SYN3: variants seen among roughly 807,000 people sequenced by gnomAD.
SYN3 encodes synapsin-3.
Under a neutral mutation model 65.8 loss-of-function variants are expected in SYN3, and 35 were observed. That is an observed-to-expected ratio of 0.53 (90% confidence interval 0.41 to 0.70). The LOEUF is 0.70. Among genes scored for constraint, SYN3 ranks in the 30% least tolerant of loss-of-function variants. SYN3 has a pLI of 0.00. For synonymous variants in SYN3, 270 were observed against 292.9 expected, an observed-to-expected ratio of 0.92 and a Z score of 0.80; for missense variants, 680 against 749.0, an observed-to-expected ratio of 0.91 and a Z score of 1.08.
At chr22:32,902,560 G>A (rs1391001444) in intron 4 of SYN3, among the ~76,000 whole-genome samples, 1 of 152,206 alleles carries the variant, frequency 6.6e-6, no homozygotes, top group African/African-American at 2.4e-5. Flanking sequence ...GGAAAATTGA[G>A]GCCCAGGTTG....
chr22:32,683,698 A>G (rs1342176201), intron 6 of SYN3, among the ~76,000 whole-genome samples: 1 of 152,190 alleles, frequency 6.6e-6, no homozygotes, highest in East Asian at 1.9e-4. Context: ...TTGTGGTGAC[A>G]TCTATAAGAT....
intron 6 of SYN3, among the ~76,000 whole-genome samples, chr22:32,677,325 G>A (rs1407659972): frequency 1.1e-4 from 17 of 152,158 alleles, no homozygotes; most frequent in East Asian, 1.9e-4. Context: ...TTCCAAATGC[G>A]CTAGTATGTA....
At chr22:32,575,140 T>C (rs1019637206) in intron 7 of SYN3, among the ~76,000 whole-genome samples, 31 of 152,354 alleles carry the variant, frequency 2.0e-4, no homozygotes, top group African/African-American at 7.2e-4. Flanking sequence ...AGATCTCTTT[T>C]CTTTTTTCAT....
intron 6 of SYN3, among the ~76,000 whole-genome samples, chr22:32,660,682 T>C (rs2060205057): frequency 6.6e-6 from 1 of 152,212 alleles, no homozygotes; most frequent in Non-Finnish European, 1.5e-5. Flanking sequence ...TGGTGATAAA[T>C]TTGCATCATT....
chr22:32,797,009 A>G (rs2046444691), intron 6 of SYN3, among the ~76,000 whole-genome samples: 1 of 151,994 alleles, frequency 6.6e-6, no homozygotes, highest in African/African-American at 2.4e-5. Context: ...GTTGACTGAG[A>G]GCTTTGTGGC....
intron 1 of SYN3, among the ~76,000 whole-genome samples, chr22:33,013,525 A>T (rs914560972): frequency 6.6e-6 from 1 of 152,184 alleles, no homozygotes; most frequent in Non-Finnish European, 1.5e-5. Flanking sequence ...CTAATTAACA[A>T]ATCTATCATC....
At chr22:32,781,664 CTAATATTATTATTATTAT>C (rs2046068332) in intron 6 of SYN3, among the ~76,000 whole-genome samples, 1 of 150,744 alleles carries the variant, frequency 6.6e-6, no homozygotes, top group Admixed American at 6.6e-5. Flanking sequence ...TAGGTGTTTG[CTAATATTATTATTATTAT>C]TAATATTATT....
chr22:32,776,532 T>C (rs78763849), intron 6 of SYN3, among the ~76,000 whole-genome samples: 2,825 of 152,232 alleles, frequency 0.019, 48 homozygotes, highest in Middle Eastern at 0.051. Flanking sequence ...TTGCCTAAGG[T>C]CACACAGCGG....
intron 6 of SYN3, among the ~76,000 whole-genome samples, chr22:32,673,346 G>A (rs1740557756): frequency 6.6e-6 from 1 of 152,230 alleles, no homozygotes; most frequent in African/African-American, 2.4e-5. Flanking sequence ...CCAGCAACAG[G>A]AGTCAAGGGT....
chr22:32,554,242 A>G (rs913267305), intron 7 of SYN3, among the ~76,000 whole-genome samples: 1 of 151,892 alleles, frequency 6.6e-6, no homozygotes, highest in Non-Finnish European at 1.5e-5. Context: ...ATTTTCCTGA[A>G]TATTGTCTGT....
At chr22:32,575,874 A>AAAAAC (rs1308435890) in intron 7 of SYN3, among the ~76,000 whole-genome samples, 6 of 151,810 alleles carry the variant, frequency 4.0e-5, no homozygotes, top group Non-Finnish European at 5.9e-5. Context: ...CCTCAAGACA[A>AAAAAC]AAAACAAAAC....
At chr22:32,542,909 C>T (rs1284450996) in intron 7 of SYN3, among the ~76,000 whole-genome samples, 2 of 152,014 alleles carry the variant, frequency 1.3e-5, no homozygotes, top group African/African-American at 2.4e-5. Flanking sequence ...CCACTGGCCA[C>T]GGGAGCCCTG....
At chr22:33,025,186 G>A (rs2053620160) in intron 1 of SYN3, among the ~76,000 whole-genome samples, 1 of 152,038 alleles carries the variant, frequency 6.6e-6, no homozygotes, top group African/African-American at 2.4e-5. Context: ...GCCAGGCATG[G>A]TGGCTCACGC....
intron 13 of SYN3, among the ~76,000 whole-genome samples, chr22:32,516,322 C>T (rs762448849): frequency 4.0e-5 from 6 of 151,150 alleles, no homozygotes; most frequent in Non-Finnish European, 8.8e-5. Flanking sequence ...GGGGCGGGAA[C>T]GAGGCTTTTC....
intron 5 of SYN3, among the ~76,000 whole-genome samples, chr22:32,867,580 G>A (rs953797086): frequency 4.6e-5 from 7 of 152,188 alleles, no homozygotes; most frequent in Admixed American, 1.3e-4. Context: ...TTGAGCGAGT[G>A]GAGGAGTGGT....
intron 4 of SYN3, among the ~76,000 whole-genome samples, chr22:32,908,779 G>C (rs1374464428): frequency 2.0e-5 from 3 of 152,138 alleles, no homozygotes; most frequent in African/African-American, 7.2e-5. Flanking sequence ...CAAGGGCTAA[G>C]CAGTTTAAGC....
intron 4 of SYN3, among the ~76,000 whole-genome samples, chr22:32,912,044 G>A (rs993800876): frequency 1.3e-5 from 2 of 152,186 alleles, no homozygotes; most frequent in Non-Finnish European, 2.9e-5. Context: ...CTTATCGTAC[G>A]CATCAAGAAG....
At chr22:32,790,213 T>G (rs2046290892) in intron 6 of SYN3, among the ~76,000 whole-genome samples, 1 of 152,212 alleles carries the variant, frequency 6.6e-6, no homozygotes, top group African/African-American at 2.4e-5. Flanking sequence ...TAGCCAATTT[T>G]AAGTTACCAA....
At chr22:32,557,932 A>G (rs2058526843) in intron 7 of SYN3, among the ~76,000 whole-genome samples, 1 of 152,216 alleles carries the variant, frequency 6.6e-6, no homozygotes, top group African/African-American at 2.4e-5. Context: ...TCACCAGGTC[A>G]GAAGTTTTTT....
Sources: allele counts gnomAD v4.1 joint callset (sites outside exome capture counted in the v4.1 genomes callset), GRCh38; gene constraint gnomAD v4.1.1; transcripts MANE v1.5; gene names NCBI Gene and HGNC (gene_info 2026-07-23, HGNC 2026-07-21).